The following KLF10 variants were observed in gnomAD, a reference collection of about 807,000 sequenced individuals.
KLF10 encodes the protein KLF transcription factor 10.
A neutral mutation model predicts 31.6 loss-of-function variants in KLF10; 17 were observed. That is an observed-to-expected ratio of 0.54 (90% CI 0.37 to 0.81). The LOEUF is 0.81. KLF10 is among the 30% of genes least tolerant of loss of function. The probability of loss-of-function intolerance (pLI) is 0.00; values close to 1 mark genes in which losing one functional copy is unlikely to be tolerated. For synonymous variants in KLF10, 239 were observed against 215.1 expected (o/e 1.11, Z -0.97); for missense variants, 525 against 598.1 (o/e 0.88, Z 1.27).
At position 102,651,454 on chromosome 8, in the gene KLF10, G is replaced by A. The variant is rs761066972; in HGVS notation, c.878C>T (p.Thr293Ile). ...NPVVTTVVPS[T>I]PPSQPPAVCP... ...AACGGCTGGTGGCTGGCTGGGAGGA[G>A]TGCTGGGAACGACTGTTGTCACAAC... The change falls in exon 3 of 4, where the codon ACT becomes ATT. Residue 293 changes from threonine to isoleucine, a missense_variant. This residue lies in a region of KLF10 where 434 missense variants were observed against 450.7 expected (regional missense o/e 0.96). Coordinates refer to ENST00000285407, the MANE Select transcript of KLF10 (RefSeq NM_005655.4). 5.0e-6 allele frequency: 8 copies of A among 1,614,040 alleles called. No homozygotes were observed. Among genetic ancestry groups the A allele is most frequent in the Admixed American group, 1.7e-5 (1 of 60,012 alleles).
At chr8:102,653,781 G>T in intron 1 of KLF10, 1 of 1,078,868 alleles carries the variant, frequency 9.3e-7, no homozygotes, top group African/African-American at 1.6e-5. Flanking sequence ...GGCAGGGAAA[G>T]AGAGCGTGAG....
chr8:102,651,311 G>C lies in KLF10; in HGVS notation c.1021C>G (p.Leu341Val). 7 of 1,604,040 alleles carry C rather than the reference G, an allele frequency of 4.4e-6. No homozygotes were observed. Among genetic ancestry groups the C allele is most frequent in the Non-Finnish European group, 5.1e-6 (6 of 1,175,300 alleles). ...PPVVSPNGTR[L>V]SPIAPAPGFS... ...CCAGGAGCAGGGGCAATGGGAGAGA[G>C]TCTGGTGCCATTCGGGCTCACCACC... Residue 341 changes from leucine to valine, a missense_variant, in exon 3 of 4, where the codon CTC becomes GTC. Coordinates refer to ENST00000285407, the MANE Select transcript of KLF10 (RefSeq NM_005655.4).
rs1827196125 is a variant in KLF10 at position 102,651,034 on chromosome 8, A to T, written c.1183+115T>A. ...TTTGGAGGACCTTGCACTGGTAAATACCATCCTCTAAACTAGCTAAAGGCA... is the reference window on the plus strand; with the variant it reads ...TTTGGAGGACCTTGCACTGGTAAATTCCATCCTCTAAACTAGCTAAAGGCA... On this transcript the variant is annotated intron_variant, in intron 3 of 3. Transcript: ENST00000285407. The T allele has an allele frequency of 1.7e-5, 17 of 999,056 alleles. 1 individual carries two copies. In the South Asian group the frequency reaches 3.3e-4, roughly 20 times the overall value. 61.9% of individuals were successfully genotyped at this position (999,056 alleles called of 1,614,324 possible).
chr8:102,651,448 G>A lies in KLF10; in HGVS notation c.884C>T (p.Pro295Leu). 1 of 1,613,976 alleles carries A rather than the reference G, an allele frequency of 6.2e-7. No individual in the cohort carries two copies. The highest frequency in any genetic ancestry group is 8.5e-7 in the Non-Finnish European group (1 of 1,179,924). Residue 295 changes from proline (P) to leucine (L), a missense_variant, in exon 3 of 4, where the codon CCC (proline) becomes CTC (leucine). Pro to Leu is a moderately conservative substitution (Grantham distance 98). Around this residue, in one of 3 missense-constraint regions of KLF10, gnomAD observed 434 missense variants for 450.7 expected, o/e 0.96. Coordinates refer to ENST00000285407, the MANE Select transcript of KLF10 (RefSeq NM_005655.4). ...GGGGCAAACGGCTGGTGGCTGGCTGGGAGGAGTGCTGGGAACGACTGTTGT... is the reference window on the plus strand; with the variant it reads ...GGGGCAAACGGCTGGTGGCTGGCTGAGAGGAGTGCTGGGAACGACTGTTGT... ...VVTTVVPSTP[P>L]SQPPAVCPPV...
Position 102,651,798 on chromosome 8 carries a change from G to T in KLF10, c.534C>A (p.Leu178=). The change falls in exon 3 of 4, where the codon CTC becomes CTA. Residue 178 remains leucine, a synonymous_variant. Coordinates refer to ENST00000285407, the MANE Select transcript of KLF10 (RefSeq NM_005655.4). The part of the protein sequence containing the change: ...QTCPMKAASI[L]NYQNNSFRRR... ...TTCTAAAAGAATTGTTCTGATAGTT[G>T]AGGATGCTGGCTGCTTTCATTGGGC... 1 of 1,614,236 alleles carries T rather than the reference G, an allele frequency of 6.2e-7. No individual in the cohort carries two copies. The highest frequency in any genetic ancestry group is 1.1e-5 in the South Asian group (1 of 91,088).
Position 102,651,725 on chromosome 8 carries a change from C to A in KLF10, c.607G>T (p.Ala203Ser), listed in dbSNP as rs752591202. The A allele has an allele frequency of 4.3e-5, 70 of 1,614,106 alleles. No individual in the cohort carries two copies. In the Admixed American group the frequency reaches 7.3e-4, roughly 17 times the overall value. The change falls in exon 3 of 4, where the codon GCC (alanine) becomes TCC (serine). Residue 203 changes from alanine to serine, a missense_variant. Around this residue, in one of 3 missense-constraint regions of KLF10, gnomAD observed 434 missense variants for 450.7 expected, o/e 0.96. Transcript: ENST00000285407. ...VEAARKNIPC[A>S]AVSPNRSKCE... is the part of the protein sequence containing the mutation. Reference sequence around the variant, plus strand: ...TTGGATCTGTTTGGTGACACAGCGGCACATGGTATGTTCTTTCTTGCAGCC... The same window carrying A: ...TTGGATCTGTTTGGTGACACAGCGGAACATGGTATGTTCTTTCTTGCAGCC...
chr8:102,651,775 C>A lies in KLF10; in HGVS notation c.557G>T (p.Arg186Ile), dbSNP rs28634259. ...CTCAACATTTAGGTGGGTTCTTCTTCTAAAAGAATTGTTCTGATAGTTGAG... is the reference window on the plus strand; with the variant it reads ...CTCAACATTTAGGTGGGTTCTTCTTATAAAAGAATTGTTCTGATAGTTGAG... Reference protein sequence around the residue: ...SILNYQNNSFRRRTHLNVEAA... With the variant: ...SILNYQNNSFIRRTHLNVEAA... Residue 186 changes from arginine (R) to isoleucine (I), a missense_variant, in exon 3 of 4, where the codon AGA becomes ATA. This residue lies in a region of KLF10 where 434 missense variants were observed against 450.7 expected (regional missense o/e 0.96). Coordinates refer to ENST00000285407, the MANE Select transcript of KLF10 (RefSeq NM_005655.4). 1.5e-3 allele frequency: 2,368 copies of A among 1,614,206 alleles called. 40 individuals are homozygous for A. The African/African-American group carries it at 0.028, about 19-fold the overall frequency.
intron 1 of KLF10, chr8:102,653,870 G>A (rs1337551978): frequency 3.1e-6 from 3 of 956,002 alleles, no homozygotes; most frequent in East Asian, 1.1e-4. Context: ...CGCGGGCGGA[G>A]GCGCGGGCGG....
At position 102,653,549 on chromosome 8, in the gene KLF10, AC is replaced by A. The variant is rs1188828411; in HGVS notation, c.37-1153del. On this transcript the variant is annotated intron_variant, in intron 1 of 3. Transcript: ENST00000285407. Reference sequence around the variant, plus strand: ...AGAGATTGTGTAAAAATACCAAAAAACATTCTTTACGTTGCAAGGTATTATT... The same window carrying A: ...AGAGATTGTGTAAAAATACCAAAAAAATTCTTTACGTTGCAAGGTATTATT... 2.0e-6 allele frequency: 3 copies of A among 1,486,118 alleles called. No homozygotes were observed. In the African/African-American group the frequency reaches 4.3e-5, roughly 21 times the overall value. The allele number at this position is 1,486,118 out of a possible 1,614,324, so 92.1% of individuals were successfully genotyped here.
At chr8:102,650,691 G>A (rs1827186539) in intron 3 of KLF10, among the ~76,000 whole-genome samples, 2 of 151,912 alleles carry the variant, frequency 1.3e-5, no homozygotes, top group African/African-American at 4.8e-5. Context: ...GACCAGTTTG[G>A]GCAACAGAGC....
intron 1 of KLF10, among the ~76,000 whole-genome samples, chr8:102,654,588 C>G (rs1029142549): frequency 6.6e-6 from 1 of 152,046 alleles, no homozygotes; most frequent in Non-Finnish European, 1.5e-5. Context: ...GCACTTCCCG[C>G]CCACGCGGCC....
chr8:102,653,872 CGCGGGCGGGGGA>C (rs1410362123), intron 1 of KLF10: 2 of 662,802 alleles, frequency 3.0e-6, no homozygotes, highest in Admixed American at 2.1e-4. Flanking sequence ...CGGGCGGAGG[CGCGGGCGGGGGA>C]GGCAGACGAG....
At chr8:102,653,144 G>A (rs1202621898) in intron 1 of KLF10, among the ~76,000 whole-genome samples, 1 of 151,274 alleles carries the variant, frequency 6.6e-6, no homozygotes, top group Non-Finnish European at 1.5e-5. Context: ...AAATTCTAAT[G>A]TTTATTTTAA....
rs764976250 is a variant in KLF10 at position 102,651,923 on chromosome 8, C to T, written c.409G>A (p.Glu137Lys). The T allele has an allele frequency of 3.1e-6, 5 of 1,613,874 alleles. No individual in the cohort carries two copies. Among genetic ancestry groups the T allele is most frequent in the Non-Finnish European group, 4.2e-6 (5 of 1,180,012 alleles). ...KPHIAAPFKE[E>K]EKSPVSAPKL... Reference sequence around the variant, plus strand: ...GGGGCAGATACTGGGCTCTTTTCTTCCTCTTTGAAAGGTGCGGCAATGTGA... The same window carrying T: ...GGGGCAGATACTGGGCTCTTTTCTTTCTCTTTGAAAGGTGCGGCAATGTGA... The change falls in exon 3 of 4, where the codon GAA (glutamate) becomes AAA (lysine). Residue 137 changes from glutamate (E) to lysine (K), a missense_variant. Physicochemically the swap from Glu to Lys is moderately conservative, Grantham distance 56. Transcript: ENST00000285407.
chr8:102,654,048 C>T (rs2131083924), intron 1 of KLF10: 2 of 936,244 alleles, frequency 2.1e-6, no homozygotes, highest in Non-Finnish European at 2.5e-6. Flanking sequence ...CCGGCCGGCT[C>T]GGCGGCCCGA....
intron 1 of KLF10, among the ~76,000 whole-genome samples, chr8:102,655,161 G>C (rs1827333152): frequency 6.6e-6 from 1 of 152,038 alleles, no homozygotes; most frequent in Non-Finnish European, 1.5e-5. Flanking sequence ...CTCGGTACCA[G>C]GTGAGGGTAG....
intron 2 of KLF10, 27 bp from the exon 3 acceptor site, chr8:102,652,088 G>A (rs1461742949): frequency 6.5e-7 from 1 of 1,536,300 alleles, no homozygotes; most frequent in Admixed American, 2.1e-5. Flanking sequence ...TACATAGCAT[G>A]AGAAATCTAC....
intron 1 of KLF10, among the ~76,000 whole-genome samples, 190 bp downstream of exon 1, chr8:102,655,376 C>T (rs1334564775): frequency 6.6e-6 from 1 of 152,166 alleles, no homozygotes; most frequent in Non-Finnish European, 1.5e-5. Flanking sequence ...CTGGTTCGAC[C>T]CCCTCCCGAA....
chr8:102,654,618 C>T (rs1827314631), intron 1 of KLF10, among the ~76,000 whole-genome samples: 1 of 152,034 alleles, frequency 6.6e-6, no homozygotes, highest in Admixed American at 6.5e-5. Flanking sequence ...TCAGACCACC[C>T]CGTCTCTCCC....
Sources: gnomAD v4.1 joint callset for allele counts (sites outside exome capture counted in the v4.1 genomes callset) on GRCh38, gnomAD v4.1.1 for gene constraint, gnomAD v4.1.1 regional missense constraint, MANE v1.5 for transcripts, NCBI Gene and HGNC (gene_info 2026-07-23, HGNC 2026-07-21) for gene names.